SFRP4: variants seen among roughly 807,000 people sequenced by gnomAD.
SFRP4 encodes the protein secreted frizzled related protein 4, also known as secreted frizzled-related protein 4.
Under a neutral mutation model 36.3 loss-of-function variants are expected in SFRP4, and 25 were observed. The ratio of observed to expected loss-of-function variants is 0.69; its 90% CI spans 0.50 to 0.96. The LOEUF (loss-of-function observed/expected upper bound fraction) is 0.96. SFRP4 is among the 40% of genes least tolerant of loss of function. The pLI is 0.00. For missense variants in SFRP4, 487 were observed against 459.6 expected (o/e 1.06, Z -0.54); for synonymous variants, 182 against 168.8 (o/e 1.08, Z -0.60).
At chr7:37,909,593 C>A in intron 5 of SFRP4, 24 bp downstream of exon 5, 1 of 1,417,000 alleles carries the variant, frequency 7.1e-7, no homozygotes, top group African/African-American at 1.5e-5. Context: ...CATCCATCTT[C>A]ACAGCATTGT....
rs180763880 is a variant in SFRP4, at chr7:37,907,439, G to A, written c.*40C>T. On this transcript the variant is annotated 3_prime_UTR_variant, in exon 6 of 6. Transcript: ENST00000436072. ...CCCAGGCAATGCCCAGCCTCATCCT[G>A]TAAGGAAGTCGGAAGTCTCCGCTTT... is the stretch of plus-strand genomic sequence containing the variant. 5 of 1,575,382 alleles carry A rather than the reference G, an allele frequency of 3.2e-6. No homozygotes were observed. Among genetic ancestry groups the A allele is most frequent in the Non-Finnish European group, 4.3e-6 (5 of 1,154,196 alleles).
At chr7:37,910,377 T>C (rs1785463814) in intron 4 of SFRP4, among the ~76,000 whole-genome samples, 1 of 152,016 alleles carries the variant, frequency 6.6e-6, no homozygotes, top group Admixed American at 6.5e-5. Flanking sequence ...TTCTATATCA[T>C]GATCTCAATG....
intron 1 of SFRP4, among the ~76,000 whole-genome samples, chr7:37,915,435 C>A (rs1424852291): frequency 7.9e-5 from 12 of 152,168 alleles, no homozygotes. Flanking sequence ...CAAAAATATT[C>A]CTAGGTTTCA....
intron 3 of SFRP4, among the ~76,000 whole-genome samples, chr7:37,913,807 G>A (rs1252475439): frequency 1.3e-5 from 2 of 152,172 alleles, no homozygotes; most frequent in Non-Finnish European, 2.9e-5. Context: ...GGGCCTATGG[G>A]CCTTAATTCT....
In SFRP4 at chr7:37,914,362, A is replaced by G. The variant is rs774761263; in HGVS notation, c.526+11T>C. 5 of 1,612,904 alleles carry G rather than the reference A, an allele frequency of 3.1e-6. No individual in the cohort carries two copies. The Admixed American group carries it at 8.3e-5, about 27-fold the overall frequency. ...AGAAGTAGAGGGAACGTCCATGAAG[A>G]AAGAACTCACCGGGGCTTAGGCGTT... On this transcript the variant is annotated intron_variant, in intron 2 of 5. Coordinates refer to ENST00000436072, the MANE Select transcript of SFRP4 (RefSeq NM_003014.4).
At position 37,912,315 on chromosome 7, in the gene SFRP4, T is replaced by A; in HGVS notation, c.595A>T (p.Ile199Phe). 1.2e-6 allele frequency: 2 copies of A among 1,612,748 alleles called. No individual in the cohort carries two copies. The highest frequency in any genetic ancestry group is 8.5e-7 in the Non-Finnish European group (1 of 1,178,810). Residue 199 changes from isoleucine to phenylalanine, a missense_variant and splice_region_variant, in exon 4 of 6, where the codon ATT becomes TTT. Coordinates refer to ENST00000436072, the MANE Select transcript of SFRP4 (RefSeq NM_003014.4). Reference sequence around the variant, plus strand: ...TGCACAGCTTTTATTTTGGCATGAATAACTGCAATTTAAAAATAGATAAAA... The same window carrying A: ...TGCACAGCTTTTATTTTGGCATGAAAAACTGCAATTTAAAAATAGATAAAA... ...TYLSKNYSYV[I>F]HAKIKAVQRS...
chr7:37,914,475 A>T, intron 1 of SFRP4, 22 bp from the exon 2 acceptor site: 3 of 1,591,032 alleles, frequency 1.9e-6, no homozygotes, highest in Non-Finnish European at 2.6e-6. Context: ...ACAGGGCCAC[A>T]TGGGCGTGGT....
intron 1 of SFRP4, among the ~76,000 whole-genome samples, chr7:37,915,300 A>G (rs1785556021): frequency 6.6e-6 from 1 of 152,192 alleles, no homozygotes; most frequent in African/African-American, 2.4e-5. Flanking sequence ...TGTTCACTTA[A>G]CCACTCCTCC....
chr7:37,911,022 T>C (rs1785477844), intron 4 of SFRP4, among the ~76,000 whole-genome samples: 1 of 152,240 alleles, frequency 6.6e-6, no homozygotes, highest in Non-Finnish European at 1.5e-5. Context: ...CTATTTTTAC[T>C]GGGATGGATT....
At chr7:37,915,647 C>T (rs1583656230) in intron 1 of SFRP4, among the ~76,000 whole-genome samples, 1 of 140,016 alleles carries the variant, frequency 7.1e-6, no homozygotes, top group Non-Finnish European at 1.5e-5. Flanking sequence ...AAGCAATGAC[C>T]GTTACTGCTT....
chr7:37,912,291 G>C lies in SFRP4; in HGVS notation c.619C>G (p.Gln207Glu), dbSNP rs1785505598. 3 of 1,613,806 alleles carry C rather than the reference G, an allele frequency of 1.9e-6. No homozygotes were observed. The stretch of plus-strand genomic sequence containing the variant: ...GTGACCTCATTGCAGCCACTCCTCT[G>C]CACAGCTTTTATTTTGGCATGAATA... Reference protein sequence around the residue: ...YVIHAKIKAVQRSGCNEVTTV... With the variant: ...YVIHAKIKAVERSGCNEVTTV... The change falls in exon 4 of 6, where the codon CAG becomes GAG. Residue 207 changes from glutamine to glutamate, a missense_variant. By Grantham distance (29) the Gln-to-Glu change is conservative (BLOSUM62 2). Coordinates refer to ENST00000436072, the MANE Select transcript of SFRP4 (RefSeq NM_003014.4).
Position 37,907,487 on chromosome 7 carries a change from T to G in SFRP4, c.1033A>C (p.Arg345=). 1 of 1,612,926 alleles carries G rather than the reference T, an allele frequency of 6.2e-7. No individual in the cohort carries two copies. The highest frequency in any genetic ancestry group is 8.5e-7 in the Non-Finnish European group (1 of 1,179,534). Residue 345 remains arginine (R), a synonymous_variant, in exon 6 of 6, where the codon AGA becomes CGA. Coordinates refer to ENST00000436072, the MANE Select transcript of SFRP4 (RefSeq NM_003014.4). Reference sequence around the variant, plus strand: ...TTTGGAAACTAGTTAGCTCACACTCTTTTCGGGTTTGTTCTCTTCTGGGCA... The same window carrying G: ...TTTGGAAACTAGTTAGCTCACACTCGTTTCGGGTTTGTTCTCTTCTGGGCA... ...RSAQKRTNPK[R]V is the part of the protein sequence containing the mutation.
In SFRP4 at chr7:37,906,256, T is replaced by C. The variant is rs1785394268; in HGVS notation, c.*1223A>G. On this transcript the variant is annotated 3_prime_UTR_variant, in exon 6 of 6. Coordinates refer to ENST00000436072, the MANE Select transcript of SFRP4 (RefSeq NM_003014.4). ...TGGAGAGTAGGATTAGATAGGATTTTATTTCCTTTGGGCGTTGTGCATTTA... is the reference window on the plus strand; with the variant it reads ...TGGAGAGTAGGATTAGATAGGATTTCATTTCCTTTGGGCGTTGTGCATTTA... 6.6e-6 allele frequency: 1 copy of C among 152,234 alleles called. No homozygotes were observed. The highest frequency in any genetic ancestry group is 6.5e-5 in the Admixed American group (1 of 15,284). 9.4% of individuals were successfully genotyped at this position (152,234 alleles called of 1,614,324 possible). A position where few individuals can be genotyped will look rare whatever the true frequency, so the allele number is the denominator to read the frequency against.
rs764850380 is a variant in SFRP4, at chr7:37,914,390, C to G, written c.509G>C (p.Cys170Ser). The G allele has an allele frequency of 4.3e-6, 7 of 1,613,752 alleles. No individual in the cohort carries two copies. Among genetic ancestry groups the G allele is most frequent in the Non-Finnish European group, 1.7e-6 (2 of 1,179,630 alleles). The stretch of plus-strand genomic sequence containing the variant: ...GAACTCACCGGGGCTTAGGCGTTTA[C>G]AGTCAACATCAAGAGGCCTTTCCTG... ...MVQERPLDVDCKRLSPDRCKC... is the reference protein window; with the variant it reads ...MVQERPLDVDSKRLSPDRCKC... Residue 170 changes from cysteine to serine, a missense_variant, in exon 2 of 6, where the codon TGT becomes TCT. By Grantham distance (112) the Cys-to-Ser change is moderately radical. Transcript: ENST00000436072.
At chr7:37,908,550 T>A (rs1282904440) in intron 5 of SFRP4, among the ~76,000 whole-genome samples, 1 of 152,218 alleles carries the variant, frequency 6.6e-6, no homozygotes, top group African/African-American at 2.4e-5. Flanking sequence ...TATTTGCAAA[T>A]TTCTACTGAA....
Position 37,907,326 on chromosome 7 carries a change from G to A in SFRP4, c.*153C>T. The A allele has an allele frequency of 3.2e-6, 2 of 622,020 alleles. No homozygotes were observed. Among genetic ancestry groups the A allele is most frequent in the Non-Finnish European group, 5.5e-6 (2 of 362,028 alleles). The allele number at this position is 622,020 out of a possible 1,614,324, so 38.5% of individuals were successfully genotyped here. A position where few individuals can be genotyped will look rare whatever the true frequency, so the allele number is the denominator to read the frequency against. ...GCTTACAAAGAAAAACTGAAGCATA[G>A]CCTTAAGAAAAATGCTGCAAGATGT... is the stretch of plus-strand genomic sequence containing the variant. On this transcript the variant is annotated 3_prime_UTR_variant, in exon 6 of 6. Coordinates refer to ENST00000436072, the MANE Select transcript of SFRP4 (RefSeq NM_003014.4).
In SFRP4 at chr7:37,905,959, T is replaced by C. The variant is rs1163010944; in HGVS notation, c.*1520A>G. 1 of 152,202 alleles carries C rather than the reference T, an allele frequency of 6.6e-6. No homozygotes were observed. Among genetic ancestry groups the C allele is most frequent in the African/African-American group, 2.4e-5 (1 of 41,456 alleles). 9.4% of individuals were successfully genotyped at this position (152,202 alleles called of 1,614,324 possible). A position where few individuals can be genotyped will look rare whatever the true frequency, so the allele number is the denominator to read the frequency against. On this transcript the variant is annotated 3_prime_UTR_variant, in exon 6 of 6. Coordinates refer to ENST00000436072, the MANE Select transcript of SFRP4 (RefSeq NM_003014.4). The stretch of plus-strand genomic sequence containing the variant: ...TGACTATTGAGATGTTTATTCAGTA[T>C]TGTCAGTGAAGAAACCACCTAAGTA...
rs201887265 is a variant in SFRP4, at chr7:37,914,407, C to T, written c.492G>A (p.Arg164=). ...DITPDMMVQE[R]PLDVDCKRLS... is the part of the protein sequence containing the mutation. ...GGCGTTTACAGTCAACATCAAGAGGCCTTTCCTGTACCATCATGTCTGGTG... is the reference window on the plus strand; with the variant it reads ...GGCGTTTACAGTCAACATCAAGAGGTCTTTCCTGTACCATCATGTCTGGTG... Residue 164 remains arginine (R), a synonymous_variant, in exon 2 of 6, where the codon AGG becomes AGA. Transcript: ENST00000436072. 3.1e-6 allele frequency: 5 copies of T among 1,614,028 alleles called. No individual in the cohort carries two copies. In the African/African-American group the frequency reaches 4.0e-5, roughly 13 times the overall value.
rs550955616 is a variant in SFRP4 at position 37,914,950 on chromosome 7, G to A, written c.446-497C>T. The stretch of plus-strand genomic sequence containing the variant: ...TTCTCCTTTCATAATGATATCCAGG[G>A]CTTAGGAAAGAAATCCTCTGGGGGA... On this transcript the variant is annotated intron_variant, in intron 1 of 5. Coordinates refer to ENST00000436072, the MANE Select transcript of SFRP4 (RefSeq NM_003014.4). 6.6e-5 allele frequency among the ~76,000 whole-genome samples: 10 copies of A among 152,296 alleles called. 1 individual carries two copies. The highest frequency in any genetic ancestry group is 2.4e-4 in the African/African-American group (10 of 41,556).
Sources: gnomAD v4.1 joint callset for allele counts (sites outside exome capture counted in the v4.1 genomes callset) on GRCh38, gnomAD v4.1.1 for gene constraint, MANE v1.5 for transcripts, NCBI Gene and HGNC (gene_info 2026-07-23, HGNC 2026-07-21) for gene names.